Variants in VPS50 observed in about 807,000 individuals in gnomAD.
The protein encoded by VPS50 is syndetin.
A neutral mutation model predicts 139.7 loss-of-function variants in VPS50; 70 were observed. The ratio of observed to expected loss-of-function variants is 0.50; its 90% CI spans 0.41 to 0.61. The LOEUF (loss-of-function observed/expected upper bound fraction) is 0.61, where lower values mean the gene tolerates loss of function less well. VPS50 is among the 20% of genes least tolerant of loss of function. The pLI is 0.00. For synonymous variants in VPS50, 365 were observed against 376.7 expected (o/e 0.97, Z 0.36); for missense variants, 921 against 1,133.7 (o/e 0.81, Z 2.69).
At chr7:93,290,861 T>G (rs543949146) in intron 12 of VPS50, among the ~76,000 whole-genome samples, 1 of 152,138 alleles carries the variant, frequency 6.6e-6, no homozygotes, top group African/African-American at 2.4e-5. Flanking sequence ...ATCATGAGCA[T>G]CAACCACACA....
At chr7:93,341,611 AT>A in intron 23 of VPS50, 36 bp downstream of exon 23, 1 of 1,479,994 alleles carries the variant, frequency 6.8e-7, no homozygotes. Context: ...GCCATTAAAT[AT>A]TTAAGAAACT....
chr7:93,243,054 A>G (rs1028904562), intron 2 of VPS50, among the ~76,000 whole-genome samples: 7 of 151,950 alleles, frequency 4.6e-5, no homozygotes, highest in African/African-American at 1.7e-4. Context: ...TGTATAAACC[A>G]TCTGGTACAA....
At chr7:93,314,434 A>T (rs1252694047) in intron 20 of VPS50, among the ~76,000 whole-genome samples, 1 of 152,160 alleles carries the variant, frequency 6.6e-6, no homozygotes, top group Non-Finnish European at 1.5e-5. Flanking sequence ...TGATCAGAAC[A>T]GTTGCTTGTA....
chr7:93,301,191 G>T (rs1000398298), intron 16 of VPS50, among the ~76,000 whole-genome samples: 10 of 151,940 alleles, frequency 6.6e-5, no homozygotes, highest in Admixed American at 4.6e-4. Context: ...CAGCTACTCA[G>T]GAGGCCGAGG....
intron 21 of VPS50, among the ~76,000 whole-genome samples, chr7:93,326,703 T>G (rs1797790884): frequency 6.6e-6 from 1 of 152,012 alleles, no homozygotes; most frequent in East Asian, 1.9e-4. Context: ...AAATTAATTA[T>G]GTGGTTTGCA....
At position 93,291,825 on chromosome 7, in the gene VPS50, T is replaced by A; in HGVS notation, c.1065T>A (p.Ala355=). The change falls in exon 13 of 28, where the codon GCT becomes GCA. Residue 355 remains alanine (A), a synonymous_variant. Transcript: ENST00000305866. The part of the protein sequence containing the change: ...WHEKHDNEDT[A]SASEGSNMIG... ...AAAAGCATGACAATGAGGATACTGC[T>A]TCAGCTTCTGGTAGGAAAATATTTT... The A allele has an allele frequency of 6.3e-7, 1 of 1,580,580 alleles. No homozygotes were observed. Among genetic ancestry groups the A allele is most frequent in the South Asian group, 1.2e-5 (1 of 84,622 alleles).
chr7:93,343,827 A>C (rs946948279), intron 23 of VPS50, among the ~76,000 whole-genome samples: 2 of 152,214 alleles, frequency 1.3e-5, no homozygotes, highest in Non-Finnish European at 2.9e-5. Flanking sequence ...CTCCTGAAGG[A>C]AGCGCTAAAC....
chr7:93,296,729 C>G lies in VPS50; in HGVS notation c.1168-13C>G. On this transcript the variant is annotated splice_polypyrimidine_tract_variant and intron_variant, in intron 14 of 27. Transcript: ENST00000305866. ...TTTGGGTTTGCTTGATTTTCTTTTTCTTTGCCTTACAGGATGTTCAGCTAA... is the reference window on the plus strand; with the variant it reads ...TTTGGGTTTGCTTGATTTTCTTTTTGTTTGCCTTACAGGATGTTCAGCTAA... 1.9e-6 allele frequency: 3 copies of G among 1,597,428 alleles called. No homozygotes were observed. The highest frequency in any genetic ancestry group is 1.7e-6 in the Non-Finnish European group (2 of 1,176,394).
At chr7:93,276,351 T>C (rs765190607) in intron 12 of VPS50, 46 bp downstream of exon 12, 1 of 1,549,474 alleles carries the variant, frequency 6.5e-7, no homozygotes, top group East Asian at 2.3e-5. Flanking sequence ...CCTTTAGATT[T>C]TAAATTTATA....
intron 22 of VPS50, among the ~76,000 whole-genome samples, chr7:93,336,091 T>G (rs994134842): frequency 6.6e-6 from 1 of 152,248 alleles, no homozygotes; most frequent in Non-Finnish European, 1.5e-5. Flanking sequence ...GATTTCTTGC[T>G]ACTCAATACA....
chr7:93,284,653 G>A (rs775441623), intron 12 of VPS50, among the ~76,000 whole-genome samples: 3 of 152,202 alleles, frequency 2.0e-5, no homozygotes, highest in Non-Finnish European at 4.4e-5. Context: ...GAGTTGCAAG[G>A]AAAGTTTTGC....
At chr7:93,284,424 T>C (rs1181247388) in intron 12 of VPS50, among the ~76,000 whole-genome samples, 1 of 152,248 alleles carries the variant, frequency 6.6e-6, no homozygotes, top group African/African-American at 2.4e-5. Context: ...TAAGGCCATT[T>C]AACAGCAATT....
chr7:93,256,478 A>T, intron 4 of VPS50, 31 bp from the exon 5 acceptor site: 2 of 1,088,420 alleles, frequency 1.8e-6, no homozygotes, highest in Non-Finnish European at 2.6e-6. Flanking sequence ...TTGTTCTTTT[A>T]TTTCCTTTGT....
In VPS50 at chr7:93,276,225, G is replaced by A; in HGVS notation, c.862G>A (p.Val288Ile). The A allele has an allele frequency of 2.5e-6, 4 of 1,613,546 alleles. No homozygotes were observed. Among genetic ancestry groups the A allele is most frequent in the Non-Finnish European group, 3.4e-6 (4 of 1,179,690 alleles). ...AGCCATTCACAACACCGTGTTTCAA[G>A]TTGTTCTTGGTTATGTGGAACTATG... ...TQAIHNTVFQVVLGYVELCAG... is the reference protein window; with the variant it reads ...TQAIHNTVFQIVLGYVELCAG... Residue 288 changes from valine (V) to isoleucine (I), a missense_variant, in exon 12 of 28, where the codon GTT becomes ATT. This residue lies in a region of VPS50 where 744 missense variants were observed against 930.6 expected (regional missense o/e 0.80). Transcript: ENST00000305866.
At position 93,297,573 on chromosome 7, in the gene VPS50, T is replaced by C. The variant is rs547948694; in HGVS notation, c.1361+330T>C. ...ACCTGCATACATATGGGTGTGCTTA[T>C]AAGGAAGTTAAATCAGTAGAGGCAG... On this transcript the variant is annotated intron_variant, in intron 16 of 27. Coordinates refer to ENST00000305866, the MANE Select transcript of VPS50 (RefSeq NM_017667.4). Among the ~76,000 whole-genome samples, 3 of 152,252 alleles carry C rather than the reference T, an allele frequency of 2.0e-5. No homozygotes were observed. The South Asian group carries it at 6.2e-4, about 32-fold the overall frequency.
At chr7:93,284,443 C>T (rs896641426) in intron 12 of VPS50, among the ~76,000 whole-genome samples, 10 of 152,136 alleles carry the variant, frequency 6.6e-5, no homozygotes, top group African/African-American at 9.7e-5. Flanking sequence ...TTAGAATAAC[C>T]TGCCAACTAA....
In VPS50 at chr7:93,297,847, G is replaced by C. The variant is rs78764316; in HGVS notation, c.1361+604G>C. ...AGCAGCAATAAATTGAGGGAAGGGA[G>C]AGCTAACATGAGATTTCTCTTGATA... On this transcript the variant is annotated intron_variant, in intron 16 of 27. Transcript: ENST00000305866. 3.0e-4 allele frequency among the ~76,000 whole-genome samples: 45 copies of C among 152,260 alleles called. 1 individual carries two copies. In the East Asian group the frequency reaches 8.7e-3, roughly 29 times the overall value.
intron 11 of VPS50, among the ~76,000 whole-genome samples, chr7:93,275,191 T>C (rs1365501226): frequency 6.6e-6 from 1 of 152,186 alleles, no homozygotes; most frequent in Non-Finnish European, 1.5e-5. Flanking sequence ...GCCATGAACA[T>C]TGTTGAAATA....
At chr7:93,348,679 T>G in intron 23 of VPS50, 32 bp from the exon 24 acceptor site, 1 of 1,357,908 alleles carries the variant, frequency 7.4e-7, no homozygotes, top group Non-Finnish European at 1.0e-6. Flanking sequence ...CTACACAATT[T>G]GTTTACACAG....
Sources: gnomAD v4.1 joint callset for allele counts (sites outside exome capture counted in the v4.1 genomes callset) on GRCh38, gnomAD v4.1.1 for gene constraint, gnomAD v4.1.1 regional missense constraint, MANE v1.5 for transcripts, NCBI Gene and HGNC (gene_info 2026-07-23, HGNC 2026-07-21) for gene names.